The following PRPF3 variants were observed in gnomAD, a reference collection of about 807,000 sequenced individuals.
PRPF3 encodes the protein pre-mRNA processing factor 3.
PRPF3 carries 3 observed loss-of-function variants against 89.2 expected under a neutral mutation model. The observed-to-expected ratio is 0.03, with a 90% CI of 0.02 to 0.09. PRPF3 has a LOEUF of 0.09. PRPF3 is among the 10% of genes least tolerant of loss of function. The probability of loss-of-function intolerance (pLI) is 1.00; values close to 1 mark genes in which losing one functional copy is unlikely to be tolerated. For synonymous variants in PRPF3, 270 were observed against 289.1 expected, an observed-to-expected ratio of 0.93 and a Z score of 0.67; for missense variants, 463 against 828.8, an observed-to-expected ratio of 0.56 and a Z score of 5.42.
chr1:150,322,555 G>T (rs1553862338), intron 1 of PRPF3, among the ~76,000 whole-genome samples: 1 of 152,120 alleles, frequency 6.6e-6, no homozygotes, highest in African/African-American at 2.4e-5. Flanking sequence ...ACTCATTGTG[G>T]GGTAATAGAA....
intron 9 of PRPF3, among the ~76,000 whole-genome samples, chr1:150,341,597 G>A (rs1203644779): frequency 3.6e-4 from 55 of 151,806 alleles, no homozygotes; most frequent in Admixed American, 3.6e-3. Context: ...TAGAGACAGG[G>A]TTTCACCATG....
intron 12 of PRPF3, among the ~76,000 whole-genome samples, chr1:150,345,074 G>A (rs1332333917): frequency 1.4e-5 from 2 of 147,558 alleles, no homozygotes; most frequent in African/African-American, 4.9e-5. Context: ...ATTCTTTTAT[G>A]TTGAGTACAT....
At chr1:150,343,235 GAGAA>G in intron 9 of PRPF3, 70 bp from the exon 10 acceptor site, 1 of 777,860 alleles carries the variant, frequency 1.3e-6, no homozygotes, top group Non-Finnish European at 1.5e-6. Flanking sequence ...GAGTGAGAGA[GAGAA>G]AAAAAAAAAA....
chr1:150,339,345 C>G (rs1056407092), intron 8 of PRPF3, among the ~76,000 whole-genome samples: 1 of 150,154 alleles, frequency 6.7e-6, no homozygotes, highest in Non-Finnish European at 1.5e-5. Flanking sequence ...CCACTGCACT[C>G]TATCCTGGAC....
intron 15 of PRPF3, among the ~76,000 whole-genome samples, chr1:150,351,476 AC>A (rs1174163251): frequency 6.6e-6 from 1 of 151,596 alleles, no homozygotes; most frequent in African/African-American, 2.4e-5. Context: ...ATAAGTTCCC[AC>A]CTGCATATTT....
At chr1:150,343,595 C>A in intron 10 of PRPF3, 143 bp downstream of exon 10, 1 of 1,150,480 alleles carries the variant, frequency 8.7e-7, no homozygotes, top group Non-Finnish European at 1.3e-6. Flanking sequence ...AGTTTTCTAC[C>A]ATCTTTTCAT....
chr1:150,345,690 A>G (rs587726419), intron 12 of PRPF3: 69 of 362,180 alleles, frequency 1.9e-4, no homozygotes, highest in African/African-American at 1.4e-3. Flanking sequence ...CTAGAGGACA[A>G]AAAGTCTGTA....
At chr1:150,338,635 C>A (rs1324366870) in intron 8 of PRPF3, among the ~76,000 whole-genome samples, 1 of 151,944 alleles carries the variant, frequency 6.6e-6, no homozygotes, top group African/African-American at 2.4e-5. Context: ...GAATCTCAGC[C>A]CCTCAAGTAG....
At chr1:150,331,116 C>T (rs1656323857) in intron 4 of PRPF3, among the ~76,000 whole-genome samples, 1 of 152,160 alleles carries the variant, frequency 6.6e-6, no homozygotes, top group Admixed American at 6.5e-5. Flanking sequence ...CAGCTCACTG[C>T]AACGTCCGCC....
chr1:150,332,966 C>G lies in PRPF3; in HGVS notation c.508-13C>G, dbSNP rs373033761. 3.4e-5 allele frequency: 55 copies of G among 1,606,626 alleles called. No individual in the cohort carries two copies. The highest frequency in any genetic ancestry group is 4.6e-5 in the Non-Finnish European group (54 of 1,173,644). On this transcript the variant is annotated splice_polypyrimidine_tract_variant and intron_variant, in intron 5 of 15. Coordinates refer to ENST00000324862, the MANE Select transcript of PRPF3 (RefSeq NM_004698.4). The stretch of plus-strand genomic sequence containing the variant: ...GTCTTAATTCCTCTGATTTCTTTTT[C>G]TCTATCTCACAGCCAAAGACTCCTT...
At chr1:150,346,191 G>A in intron 13 of PRPF3, 55 bp downstream of exon 13, 2 of 1,473,828 alleles carry the variant, frequency 1.4e-6, no homozygotes, top group Non-Finnish European at 1.9e-6. Flanking sequence ...GGCTTAGAGT[G>A]ATTAGCATTG....
At chr1:150,348,324 C>T (rs587631985) in intron 14 of PRPF3, among the ~76,000 whole-genome samples, 26 of 151,956 alleles carry the variant, frequency 1.7e-4, no homozygotes, top group Admixed American at 1.5e-3. Context: ...TTGCAGTGAG[C>T]TGAGATCATA....
chr1:150,346,202 TG>T, intron 13 of PRPF3, 66 bp downstream of exon 13: 1 of 1,434,906 alleles, frequency 7.0e-7, no homozygotes. Context: ...ATTAGCATTG[TG>T]GGGAGAAAGG....
intron 7 of PRPF3, 35 bp from the exon 8 acceptor site, chr1:150,338,125 A>C: frequency 6.2e-7 from 1 of 1,610,880 alleles, no homozygotes; most frequent in Non-Finnish European, 8.5e-7. Context: ...TATGACTCCA[A>C]TTTATCTTTC....
intron 7 of PRPF3, 30 bp from the exon 8 acceptor site, chr1:150,338,130 T>A (rs1553868753): frequency 2.5e-6 from 4 of 1,611,234 alleles, no homozygotes; most frequent in Non-Finnish European, 3.4e-6. Context: ...CTCCAATTTA[T>A]CTTTCTGTCT....
At chr1:150,346,182 G>A in intron 13 of PRPF3, 46 bp downstream of exon 13, 1 of 1,516,354 alleles carries the variant, frequency 6.6e-7, no homozygotes, top group Non-Finnish European at 9.2e-7. Flanking sequence ...ACAACCCTAG[G>A]CTTAGAGTGA....
chr1:150,337,782 T>C (rs1278390471), intron 7 of PRPF3, among the ~76,000 whole-genome samples: 1 of 139,398 alleles, frequency 7.2e-6, no homozygotes, highest in Non-Finnish European at 1.6e-5. Context: ...AAAAAAAATA[T>C]TTGGGATTCT....
chr1:150,351,493 C>CT (rs1182542033), intron 15 of PRPF3, among the ~76,000 whole-genome samples: 2 of 151,556 alleles, frequency 1.3e-5, no homozygotes, highest in Non-Finnish European at 2.9e-5. Flanking sequence ...TATTTGTTAT[C>CT]TTTTTTTAAT....
At chr1:150,346,640 CCTCCTAGACATT>C (rs1658298329) in intron 14 of PRPF3, 149 bp downstream of exon 14, 3 of 772,958 alleles carry the variant, frequency 3.9e-6, no homozygotes, top group African/African-American at 1.7e-5. Context: ...AGACTTTGAG[CCTCCTAGACATT>C]CATACAATAT....
Sources: gnomAD v4.1 joint callset for allele counts (sites outside exome capture counted in the v4.1 genomes callset) on GRCh38, gnomAD v4.1.1 for gene constraint, MANE v1.5 for transcripts, NCBI Gene and HGNC (gene_info 2026-07-23, HGNC 2026-07-21) for gene names.